Variants in KIAA1755 observed in about 807,000 individuals in gnomAD.
KIAA1755 encodes the protein uncharacterized protein KIAA1755.
A neutral mutation model predicts 91.7 loss-of-function variants in KIAA1755; 68 were observed. The ratio of observed to expected loss-of-function variants is 0.74; its 90% CI spans 0.61 to 0.91. The LOEUF (loss-of-function observed/expected upper bound fraction) is 0.91. Among genes scored for constraint, KIAA1755 ranks in the 40% least tolerant of loss-of-function variants. KIAA1755 has a pLI of 0.00. For missense variants in KIAA1755, 1,535 were observed against 1,494.4 expected (o/e 1.03, Z -0.45); for synonymous variants, 610 against 604.6 (o/e 1.01, Z -0.13).
Position 38,227,137 on chromosome 20 carries a change from C to G in KIAA1755, c.2052+17G>C. 6.2e-7 allele frequency: 1 copy of G among 1,606,354 alleles called. No homozygotes were observed. Among genetic ancestry groups the G allele is most frequent in the Non-Finnish European group, 8.5e-7 (1 of 1,173,744 alleles). On this transcript the variant is annotated intron_variant, in intron 7 of 13. Transcript: ENST00000279024. Reference sequence around the variant, plus strand: ...AACAACTCCCTTCCTCAACCGCCGACCCTGAGTCCCCCTCACCTGGACGTC... The same window carrying G: ...AACAACTCCCTTCCTCAACCGCCGAGCCTGAGTCCCCCTCACCTGGACGTC...
chr20:38,233,037 G>T lies in KIAA1755; in HGVS notation c.1748-1712C>A, dbSNP rs563903492. Among the ~76,000 whole-genome samples, 341 of 152,080 alleles carry T rather than the reference G, an allele frequency of 2.2e-3. 2 individuals carry two copies. The highest frequency in any genetic ancestry group is 3.9e-3 in the Non-Finnish European group (264 of 67,956). On this transcript the variant is annotated intron_variant, in intron 4 of 13. Transcript: ENST00000279024. ...CTCAGGAGGCTGAGGTGGGAGAATC[G>T]CTTGAGCCGGGGAGGTTGAGGCTGC...
In KIAA1755 at chr20:38,211,571, T is replaced by C. The variant is rs965474410; in HGVS notation, c.*1471A>G. ...CCAGCTGCCCACAGAACCCCAATGG[T>C]ACTGGGCCACAGAGGCTGGGCATAG... On this transcript the variant is annotated 3_prime_UTR_variant, in exon 14 of 14. Coordinates refer to ENST00000279024, the MANE Select transcript of KIAA1755 (RefSeq NM_001029864.2). The C allele has an allele frequency of 3.3e-5, 5 of 152,028 alleles. No individual in the cohort carries two copies. The highest frequency in any genetic ancestry group is 1.2e-4 in the African/African-American group (5 of 41,332). 9.4% of individuals were successfully genotyped at this position (152,028 alleles called of 1,614,324 possible). A position where few individuals can be genotyped will look rare whatever the true frequency, so the allele number is the denominator to read the frequency against.
In KIAA1755 at chr20:38,212,810, C is replaced by G; in HGVS notation, c.*232G>C. 1 of 476,304 alleles carries G rather than the reference C, an allele frequency of 2.1e-6. No individual in the cohort carries two copies. Among genetic ancestry groups the G allele is most frequent in the Non-Finnish European group, 3.7e-6 (1 of 268,784 alleles). 29.5% of individuals were successfully genotyped at this position (476,304 alleles called of 1,614,324 possible). A position where few individuals can be genotyped will look rare whatever the true frequency, so the allele number is the denominator to read the frequency against. On this transcript the variant is annotated 3_prime_UTR_variant, in exon 14 of 14. Transcript: ENST00000279024. The stretch of plus-strand genomic sequence containing the variant: ...AGCCAATCACACCATTTATTGTGCC[C>G]TGGTTCTGACGCCCACTCTTGCTAT...
Position 38,240,796 on chromosome 20 carries a change from C to T in KIAA1755, c.1335G>A (p.Glu445=). ...TGGGCTTGGGAAGTCTCCCATTTCT[C>T]TCTTTGGTCTTCACCTCTATCTTTG... The part of the protein sequence containing the change: ...SETKIEVKTK[E]RNGRLPKPMP... Residue 445 remains glutamate (E), a synonymous_variant, in exon 3 of 14, where the codon GAG becomes GAA. Transcript: ENST00000279024. 6.2e-7 allele frequency: 1 copy of T among 1,611,162 alleles called. No individual in the cohort carries two copies. Among genetic ancestry groups the T allele is most frequent in the Non-Finnish European group, 8.5e-7 (1 of 1,178,662 alleles).
intron 1 of KIAA1755, among the ~76,000 whole-genome samples, chr20:38,250,510 G>A (rs796780332): frequency 1.5e-5 from 2 of 135,808 alleles, no homozygotes; most frequent in African/African-American, 5.3e-5. Flanking sequence ...GTGTGTGTGT[G>A]TCTGTGTGTG....
Position 38,246,043 on chromosome 20 carries a change from C to G in KIAA1755, c.87G>C (p.Leu29=), listed in dbSNP as rs775776672. ...PPFEATAPTV[L]GQVFRLLDSG... is the part of the protein sequence containing the mutation. ...AGTCCAGGAGACGGAACACCTGACC[C>G]AGGACGGTGGGTGCTGTGGCCTCGA... is the stretch of plus-strand genomic sequence containing the variant. Residue 29 remains leucine, a synonymous_variant, in exon 2 of 14, where the codon CTG becomes CTC. Coordinates refer to ENST00000279024, the MANE Select transcript of KIAA1755 (RefSeq NM_001029864.2). The G allele has an allele frequency of 6.2e-7, 1 of 1,614,184 alleles. No individual in the cohort carries two copies. The highest frequency in any genetic ancestry group is 8.5e-7 in the Non-Finnish European group (1 of 1,180,026).
intron 1 of KIAA1755, among the ~76,000 whole-genome samples, chr20:38,250,804 G>A (rs529347434): frequency 3.3e-5 from 5 of 151,654 alleles, no homozygotes; most frequent in Non-Finnish European, 5.9e-5. Context: ...AATGCAGGGC[G>A]CCATGATGTT....
rs1389747649 is a variant in KIAA1755, at chr20:38,241,490, GGGC to G, written c.638_640del (p.Ser213_Pro214delinsThr). On this transcript the variant is annotated inframe_deletion, in exon 3 of 14. Transcript: ENST00000279024. ...GGAGCTGGCCTGGTGCAACTCTTGA[GGGC>G]TGCTCAAATCCAGTGCCTCTAATGG... is the stretch of plus-strand genomic sequence containing the variant. The G allele has an allele frequency of 6.2e-7, 1 of 1,614,242 alleles. No individual in the cohort carries two copies. The highest frequency in any genetic ancestry group is 1.1e-5 in the South Asian group (1 of 91,092).
At chr20:38,242,669 A>G (rs1032581550) in intron 2 of KIAA1755, among the ~76,000 whole-genome samples, 1 of 152,196 alleles carries the variant, frequency 6.6e-6, no homozygotes, top group Non-Finnish European at 1.5e-5. Context: ...GAATTTGGAT[A>G]GTGTATGAGG....
chr20:38,221,557 C>T (rs2075659466), intron 10 of KIAA1755, among the ~76,000 whole-genome samples: 1 of 152,178 alleles, frequency 6.6e-6, no homozygotes, highest in African/African-American at 2.4e-5. Context: ...CTATGTGACC[C>T]TGGACTAATC....
Position 38,213,650 on chromosome 20 carries a change from G to A in KIAA1755, c.2995C>T (p.His999Tyr), listed in dbSNP as rs780128322. 15 of 1,608,684 alleles carry A rather than the reference G, an allele frequency of 9.3e-6. No individual in the cohort carries two copies. In the Admixed American group the frequency reaches 2.5e-4, roughly 27 times the overall value. The change falls in exon 14 of 14, where the codon CAC (histidine) becomes TAC (tyrosine). Residue 999 changes from histidine to tyrosine, a missense_variant. Coordinates refer to ENST00000279024, the MANE Select transcript of KIAA1755 (RefSeq NM_001029864.2). ...RVSPGDQRRL[H>Y]RYLQRLASEF... Reference sequence around the variant, plus strand: ...GATGCCAGTCGCTGCAGGTAGCGGTGGAGGCGGCGCTGGTCCCCAGGACTG... The same window carrying A: ...GATGCCAGTCGCTGCAGGTAGCGGTAGAGGCGGCGCTGGTCCCCAGGACTG...
At chr20:38,227,320 C>CCTGT in intron 6 of KIAA1755, 80 bp from the exon 7 acceptor site, 2 of 1,078,478 alleles carry the variant, frequency 1.9e-6, no homozygotes, top group South Asian at 2.8e-5. Flanking sequence ...TCCTTCATCC[C>CCTGT]CTGTAAGATG....
chr20:38,252,524 T>C (rs546951948), intron 1 of KIAA1755, among the ~76,000 whole-genome samples: 1 of 152,264 alleles, frequency 6.6e-6, no homozygotes, highest in South Asian at 2.1e-4. Flanking sequence ...AGAGCCAGGA[T>C]CCAATCCAGA....
intron 4 of KIAA1755, among the ~76,000 whole-genome samples, chr20:38,236,320 G>C (rs2075960153): frequency 6.6e-6 from 1 of 152,194 alleles, no homozygotes; most frequent in South Asian, 2.1e-4. Flanking sequence ...CAGCTGGATG[G>C]ATAAGTCTGG....
intron 1 of KIAA1755, among the ~76,000 whole-genome samples, chr20:38,255,225 A>G (rs1026614491): frequency 2.6e-5 from 4 of 151,996 alleles, no homozygotes; most frequent in Non-Finnish European, 4.4e-5. Flanking sequence ...AGGCCTAGGG[A>G]GAGTCAGTCT....
At chr20:38,214,541 T>A (rs1252806693) in intron 13 of KIAA1755, among the ~76,000 whole-genome samples, 6 of 152,122 alleles carry the variant, frequency 3.9e-5, no homozygotes, top group Non-Finnish European at 5.9e-5. Flanking sequence ...CTCAGAGAAG[T>A]GAACTCACTT....
intron 1 of KIAA1755, among the ~76,000 whole-genome samples, chr20:38,253,387 C>G (rs1293000281): frequency 6.6e-6 from 1 of 152,150 alleles, no homozygotes; most frequent in Admixed American, 6.5e-5. Context: ...TCTTAAATAC[C>G]ATTTTTATCA....
chr20:38,238,162 T>C (rs1358267248), intron 4 of KIAA1755, among the ~76,000 whole-genome samples: 1 of 152,108 alleles, frequency 6.6e-6, no homozygotes, highest in African/African-American at 2.4e-5. Flanking sequence ...CTTCCTCCCA[T>C]AGCAGAGCCT....
Position 38,219,730 on chromosome 20 carries a change from A to T in KIAA1755, c.2456T>A (p.Val819Glu). ...GACCAGAACATGAAGCTGCTCGTCC[A>T]CAAGGCTGTACAAGGCAGTGGCTGC... ...LAAATALYSL[V>E]DEQLHVLVTA... Residue 819 changes from valine to glutamate, a missense_variant, in exon 11 of 14, where the codon GTG becomes GAG. Coordinates refer to ENST00000279024, the MANE Select transcript of KIAA1755 (RefSeq NM_001029864.2). 6.2e-7 allele frequency: 1 copy of T among 1,614,182 alleles called. No homozygotes were observed. The highest frequency in any genetic ancestry group is 2.2e-5 in the East Asian group (1 of 44,882).
Sources: gnomAD v4.1 joint callset for allele counts (sites outside exome capture counted in the v4.1 genomes callset) on GRCh38, gnomAD v4.1.1 for gene constraint, MANE v1.5 for transcripts, NCBI Gene and HGNC (gene_info 2026-07-23, HGNC 2026-07-21) for gene names.